PRELID2: variants seen among roughly 807,000 people sequenced by gnomAD.
PRELID2 encodes PRELI domain containing 2.
In PRELID2, 25 loss-of-function variants were observed where a neutral mutation model predicts 28.4. The ratio of observed to expected loss-of-function variants is 0.88; its 90% confidence interval spans 0.64 to 1.23. The LOEUF (loss-of-function observed/expected upper bound fraction) is 1.23. Ranked by LOEUF, PRELID2 falls within the 50% of genes most tolerant of loss-of-function variation. The pLI is 0.00. For synonymous variants in PRELID2, 76 were observed against 71.6 expected (o/e 1.06, Z -0.31); for missense variants, 201 against 214.4 (o/e 0.94, Z 0.39).
intron 5 of PRELID2, 26 bp downstream of exon 5, chr5:145,796,416 T>C: frequency 2.7e-6 from 4 of 1,486,394 alleles, no homozygotes; most frequent in Non-Finnish European, 3.7e-6. Context: ...AAAATTAATG[T>C]TGGTTCAAAG....
intron 1 of PRELID2, among the ~76,000 whole-genome samples, chr5:145,705,620 C>T (rs947337157): frequency 2.6e-5 from 4 of 151,944 alleles, no homozygotes; most frequent in African/African-American, 4.8e-5. Flanking sequence ...TTGTTTATAC[C>T]GGGGTCAACA....
At chr5:145,508,991 T>C (rs1315925388) in intron 1 of PRELID2, among the ~76,000 whole-genome samples, 2 of 152,152 alleles carry the variant, frequency 1.3e-5, no homozygotes, top group Non-Finnish European at 2.9e-5. Context: ...ATAATCATAG[T>C]CTGTAAAAAA....
rs191122705 is a variant in PRELID2 at position 145,681,992 on chromosome 5, C to G, written n.70+82939G>C. ...GAAGGTTTTCAAAAACTTCAAAAGACTCTTGCAATAATTGCATATTCATTA... is the reference window on the plus strand; with the variant it reads ...GAAGGTTTTCAAAAACTTCAAAAGAGTCTTGCAATAATTGCATATTCATTA... On this transcript the variant is annotated intron_variant and non_coding_transcript_variant, in intron 1 of 2. Coordinates refer to the PRELID2 transcript ENST00000510259. 2.6e-5 allele frequency among the ~76,000 whole-genome samples: 4 copies of G among 152,124 alleles called. No individual in the cohort carries two copies. The East Asian group carries it at 7.7e-4, about 29-fold the overall frequency.
At chr5:145,527,671 C>G (rs1752621457) in intron 1 of PRELID2, among the ~76,000 whole-genome samples, 1 of 152,110 alleles carries the variant, frequency 6.6e-6, no homozygotes, top group Non-Finnish European at 1.5e-5. Flanking sequence ...TACTGTAGAG[C>G]AAAACAGTGC....
the PRELID2 span, among the ~76,000 whole-genome samples, chr5:145,377,248 A>T: frequency 6.6e-6 from 1 of 152,288 alleles, no homozygotes; most frequent in Non-Finnish European, 1.5e-5. Flanking sequence ...CTGTGGTCTG[A>T]CAGATTGTTT....
the PRELID2 span, among the ~76,000 whole-genome samples, chr5:145,343,110 A>G: frequency 6.6e-6 from 1 of 152,072 alleles, no homozygotes; most frequent in African/African-American, 2.4e-5. Context: ...TAGACAGATC[A>G]TCTAGACAAA....
At chr5:145,448,060 A>G in the PRELID2 span, among the ~76,000 whole-genome samples, 1 of 152,062 alleles carries the variant, frequency 6.6e-6, no homozygotes, top group African/African-American at 2.4e-5. Flanking sequence ...GACTTCCACA[A>G]TGGTTGAACT....
At chr5:145,359,587 T>C in the PRELID2 span, among the ~76,000 whole-genome samples, 1 of 152,198 alleles carries the variant, frequency 6.6e-6, no homozygotes, top group African/African-American at 2.4e-5. Flanking sequence ...GTAAGCATGG[T>C]TACAGAACTA....
At chr5:145,605,289 G>C (rs1361377031) in intron 1 of PRELID2, among the ~76,000 whole-genome samples, 5 of 151,874 alleles carry the variant, frequency 3.3e-5, no homozygotes, top group Non-Finnish European at 5.9e-5. Flanking sequence ...TATCTTCCAG[G>C]GTTTTTATAG....
intron 1 of PRELID2, among the ~76,000 whole-genome samples, chr5:145,704,959 G>A (rs1053790786): frequency 1.3e-5 from 2 of 152,160 alleles, no homozygotes; most frequent in Non-Finnish European, 2.9e-5. Context: ...AAGCCCAGCT[G>A]AGCCCAGGGG....
chr5:145,797,705 C>T (rs1053903373), intron 4 of PRELID2, among the ~76,000 whole-genome samples: 2 of 152,052 alleles, frequency 1.3e-5, no homozygotes, highest in African/African-American at 2.4e-5. Flanking sequence ...CCCAGAATCT[C>T]AAGCTAGGCT....
At chr5:145,478,832 G>A (rs1246900981) in intron 1 of PRELID2, among the ~76,000 whole-genome samples, 1 of 152,174 alleles carries the variant, frequency 6.6e-6, no homozygotes, top group Non-Finnish European at 1.5e-5. Flanking sequence ...ATGTGTAACT[G>A]TGGGACCAGC....
At chr5:145,286,727 T>TG in the PRELID2 span, among the ~76,000 whole-genome samples, 71 of 83,420 alleles carry the variant, frequency 8.5e-4, 1 homozygote, top group African/African-American at 2.4e-3. Context: ...TTTGTTTGTT[T>TG]TTTTTTTTTT....
At chr5:145,664,164 A>C (rs966774307) in intron 1 of PRELID2, among the ~76,000 whole-genome samples, 2 of 152,152 alleles carry the variant, frequency 1.3e-5, no homozygotes, top group Admixed American at 1.3e-4. Context: ...TCCTTGGTAC[A>C]TGGTAATTCT....
chr5:145,777,077 G>A (rs150196965), intron 5 of PRELID2, among the ~76,000 whole-genome samples: 203 of 152,328 alleles, frequency 1.3e-3, no homozygotes, highest in African/African-American at 4.8e-3. Context: ...TCCCAAGACT[G>A]AGGGACAGCT....
intron 1 of PRELID2, among the ~76,000 whole-genome samples, chr5:145,663,011 T>G (rs549218138): frequency 6.6e-6 from 1 of 152,142 alleles, no homozygotes; most frequent in Non-Finnish European, 1.5e-5. Context: ...TAAATTATTA[T>G]TATTCACAGA....
chr5:145,626,176 A>G (rs2149655141), intron 1 of PRELID2, among the ~76,000 whole-genome samples: 1 of 152,328 alleles, frequency 6.6e-6, no homozygotes, highest in African/African-American at 2.4e-5. Context: ...AAAAATAGAC[A>G]AATGGGACTT....
chr5:145,747,744 A>G (rs1444817953), intron 1 of PRELID2, among the ~76,000 whole-genome samples: 1 of 152,228 alleles, frequency 6.6e-6, no homozygotes, highest in Admixed American at 6.5e-5. Context: ...ATAAACATCG[A>G]TGCAATAATC....
At chr5:145,330,128 T>C in the PRELID2 span, among the ~76,000 whole-genome samples, 1 of 152,206 alleles carries the variant, frequency 6.6e-6, no homozygotes, top group Non-Finnish European at 1.5e-5. Context: ...GAAGCCAAGT[T>C]GATCATGGTG....
Sources: allele counts gnomAD v4.1 joint callset (sites outside exome capture counted in the v4.1 genomes callset), GRCh38; gene constraint gnomAD v4.1.1; transcripts MANE v1.5; gene names NCBI Gene and HGNC (gene_info 2026-07-23, HGNC 2026-07-21).